The following UGT2B7 variants were observed in gnomAD, a reference collection of about 807,000 sequenced individuals.
UGT2B7 encodes UDP glucuronosyltransferase family 2 member B7, also known as UDP-glucuronosyltransferase 2B7.
A neutral mutation model predicts 51.9 loss-of-function variants in UGT2B7; 51 were observed. The observed-to-expected ratio is 0.98, with a 90% CI of 0.78 to 1.24. The LOEUF is 1.24. Ranked by LOEUF, UGT2B7 falls within the 50% of genes most tolerant of loss-of-function variation. The pLI is 0.00. For missense variants in UGT2B7, 727 were observed against 628.4 expected (o/e 1.16, Z -1.68); for synonymous variants, 225 against 211.6 (o/e 1.06, Z -0.55).
At chr4:69,075,813 C>A (rs554328805) in intron 1 of UGT2B7, among the ~76,000 whole-genome samples, 1 of 152,172 alleles carries the variant, frequency 6.6e-6, no homozygotes, top group South Asian at 2.1e-4. Flanking sequence ...AAGTTCTGGG[C>A]TACATGTGCA....
At chr4:69,064,203 G>A (rs1421106314) in intron 1 of UGT2B7, among the ~76,000 whole-genome samples, 4 of 152,148 alleles carry the variant, frequency 2.6e-5, no homozygotes, top group East Asian at 1.9e-4. Flanking sequence ...ACGCAGCAAC[G>A]GGTGCAGCCC....
chr4:69,102,527 C>A (rs1719452198), intron 2 of UGT2B7, among the ~76,000 whole-genome samples: 1 of 152,092 alleles, frequency 6.6e-6, no homozygotes, highest in Admixed American at 6.6e-5. Flanking sequence ...TCCCTGACAA[C>A]AATGTAATAG....
In UGT2B7 at chr4:69,108,212, T is replaced by C. The variant is rs1443304723; in HGVS notation, c.1200T>C (p.Pro400=). Residue 400 remains proline, a synonymous_variant, in exon 5 of 6, where the codon CCT becomes CCC. Coordinates refer to ENST00000305231, the MANE Select transcript of UGT2B7 (RefSeq NM_001074.4). The part of the protein sequence containing the change: ...MVGIPLFADQ[P]DNIAHMKARG... ...GGATTCCATTGTTTGCCGATCAACC[T>C]GATAACATTGCTCACATGAAGGCCA... 1.2e-6 allele frequency: 2 copies of C among 1,613,700 alleles called. No homozygotes were observed. The highest frequency in any genetic ancestry group is 2.7e-5 in the African/African-American group (2 of 74,906).
intron 1 of UGT2B7, among the ~76,000 whole-genome samples, chr4:69,084,560 T>A (rs7659306): frequency 0.58 from 87,623 of 151,866 alleles, 26,280 homozygotes; most frequent in African/African-American, 0.71. Flanking sequence ...TCAACCAGTC[T>A]CCTAGGTTTT....
chr4:69,091,578 A>T (rs1426454477), upstream of UGT2B7, among the ~76,000 whole-genome samples: 2 of 152,176 alleles, frequency 1.3e-5, no homozygotes, highest in African/African-American at 4.8e-5. Flanking sequence ...ACATCTGTGT[A>T]TATTTATTTC....
intron 1 of UGT2B7, among the ~76,000 whole-genome samples, chr4:69,059,895 G>C (rs1369466300): frequency 6.6e-6 from 1 of 152,222 alleles, no homozygotes; most frequent in Non-Finnish European, 1.5e-5. Context: ...TCCAGCAAGT[G>C]CCACTTGATT....
intron 1 of UGT2B7, among the ~76,000 whole-genome samples, chr4:69,080,672 G>A (rs561315759): frequency 4.1e-4 from 63 of 152,122 alleles, no homozygotes; most frequent in African/African-American, 1.5e-3. Context: ...GACTCGCTAA[G>A]CACCTATTGA....
At chr4:69,064,024 GAAAGA>G (rs1560499589) in intron 1 of UGT2B7, among the ~76,000 whole-genome samples, 2 of 33,782 alleles carry the variant, frequency 5.9e-5, no homozygotes, top group East Asian at 1.7e-3. Context: ...AGATGGGAAA[GAAAGA>G]AAGAAAGAAA....
upstream of UGT2B7, among the ~76,000 whole-genome samples, chr4:69,091,615 C>T (rs999915710): frequency 1.3e-5 from 2 of 152,110 alleles, no homozygotes; most frequent in Non-Finnish European, 2.9e-5. Context: ...AACTCTTAAT[C>T]TCTGTGAGCA....
intron 1 of UGT2B7, among the ~76,000 whole-genome samples, chr4:69,064,090 A>AAGAG (rs1378421031): frequency 1.0e-5 from 1 of 97,586 alleles, no homozygotes; most frequent in Non-Finnish European, 2.0e-5. Context: ...GAAAGAAAGA[A>AAGAG]AGAAAGAGAA....
chr4:69,107,641 T>C (rs1719643578), intron 4 of UGT2B7, among the ~76,000 whole-genome samples: 2 of 152,176 alleles, frequency 1.3e-5, no homozygotes, highest in African/African-American at 4.8e-5. Context: ...AGTGACTCTG[T>C]ATTTTCTGAA....
rs780707514 is a variant in UGT2B7, at chr4:69,112,584, G to C, written c.1438G>C (p.Ala480Pro). 4.2e-5 allele frequency: 67 copies of C among 1,613,856 alleles called. No individual in the cohort carries two copies. The highest frequency in any genetic ancestry group is 5.3e-5 in the Non-Finnish European group (63 of 1,179,900). The stretch of plus-strand genomic sequence containing the variant: ...AGGAGCTAAACACCTTCGGGTTGCA[G>C]CCCACGACCTCACCTGGTTCCAGTA... ...HKGAKHLRVA[A>P]HDLTWFQYHS... The change falls in exon 6 of 6, where the codon GCC (alanine) becomes CCC (proline). Residue 480 changes from alanine (A) to proline (P), a missense_variant. Physicochemically the swap from Ala to Pro is conservative, Grantham distance 27. Coordinates refer to ENST00000305231, the MANE Select transcript of UGT2B7 (RefSeq NM_001074.4).
Position 69,053,555 on chromosome 4 carries a change from C to A in UGT2B7, c.-159+1953C>A, listed in dbSNP as rs1718096646. ...ACCAGGCGTAGGCTGCATGGTAACT[C>A]TTTTCCAGGATTCTACAGCCTGGAG... On this transcript the variant is annotated intron_variant, in intron 1 of 5. Transcript: ENST00000502942. Among the ~76,000 whole-genome samples, 5 of 152,202 alleles carry A rather than the reference C, an allele frequency of 3.3e-5. No individual in the cohort carries two copies. The South Asian group carries it at 1.0e-3, about 31-fold the overall frequency.
chr4:69,084,639 C>T (rs946902192), intron 1 of UGT2B7, among the ~76,000 whole-genome samples: 6 of 151,932 alleles, frequency 3.9e-5, no homozygotes. Context: ...CACGACAGGC[C>T]CCAGTGTGTG....
At chr4:69,082,538 C>A (rs1160387169) in intron 1 of UGT2B7, among the ~76,000 whole-genome samples, 2 of 152,086 alleles carry the variant, frequency 1.3e-5, no homozygotes, top group Non-Finnish European at 2.9e-5. Context: ...AAACCAGCCA[C>A]AATCACGCCT....
intron 1 of UGT2B7, among the ~76,000 whole-genome samples, chr4:69,067,861 T>G (rs1718515110): frequency 6.6e-6 from 1 of 151,986 alleles, no homozygotes; most frequent in Non-Finnish European, 1.5e-5. Context: ...AAAAGTAAAA[T>G]AAGAGGAATT....
chr4:69,073,071 A>G (rs1370981082), intron 1 of UGT2B7, among the ~76,000 whole-genome samples: 1 of 152,102 alleles, frequency 6.6e-6, no homozygotes, highest in African/African-American at 2.4e-5. Flanking sequence ...CCAAATATAT[A>G]ATAAGAATTG....
At position 69,064,096 on chromosome 4, in the gene UGT2B7, GAGAAAGAAAGAAAGAAAA is replaced by G. The variant is rs1560499765; in HGVS notation, c.-159+12512_-159+12529del. 3.7e-3 allele frequency among the ~76,000 whole-genome samples: 282 copies of G among 75,694 alleles called. 15 individuals are homozygous for G. The highest frequency in any genetic ancestry group is 0.018 in the African/African-American group (267 of 14,886). 49.7% of individuals were successfully genotyped at this position (75,694 alleles called of 152,430 possible). A position where few individuals can be genotyped will look rare whatever the true frequency, so the allele number is the denominator to read the frequency against. The stretch of plus-strand genomic sequence containing the variant: ...AGAAAGAAAGAAAGAAAGAAAGAAA[GAGAAAGAAAGAAAGAAAA>G]AGAAAGAAAGAAAGAAAGAAAGAAA... On this transcript the variant is annotated intron_variant, in intron 1 of 5. Coordinates refer to the UGT2B7 transcript ENST00000502942.
At chr4:69,064,585 T>C (rs1400189155) in intron 1 of UGT2B7, among the ~76,000 whole-genome samples, 1 of 152,202 alleles carries the variant, frequency 6.6e-6, no homozygotes, top group Non-Finnish European at 1.5e-5. Flanking sequence ...CACAATTTGA[T>C]TAATTGTTCT....
Sources: gnomAD v4.1 joint callset for allele counts (sites outside exome capture counted in the v4.1 genomes callset) on GRCh38, gnomAD v4.1.1 for gene constraint, MANE v1.5 for transcripts, NCBI Gene and HGNC (gene_info 2026-07-23, HGNC 2026-07-21) for gene names.